Variants in FZR1 observed in about 807,000 individuals in gnomAD.
The protein encoded by FZR1 is fizzy and cell division cycle 20 related 1.
FZR1 carries 11 observed loss-of-function variants against 63.6 expected under a neutral mutation model. That is an observed-to-expected ratio of 0.17 (90% confidence interval 0.11 to 0.29). The LOEUF (loss-of-function observed/expected upper bound fraction) is 0.29, where lower values mean the gene tolerates loss of function less well. Among genes scored for constraint, FZR1 ranks in the 10% least tolerant of loss-of-function variants. FZR1 has a pLI of 1.00. For missense variants in FZR1, 440 were observed against 687.5 expected (o/e 0.64, Z 4.03); for synonymous variants, 328 against 297.9 (o/e 1.10, Z -1.04).
chr19:3,508,633 G>T (rs987309999), intron 1 of FZR1, among the ~76,000 whole-genome samples: 1 of 152,212 alleles, frequency 6.6e-6, no homozygotes, highest in Non-Finnish European at 1.5e-5. Context: ...ATTTAGAGGG[G>T]AGAGGATGGA....
Position 3,510,210 on chromosome 19 carries a change from C to G in FZR1, c.-35+3736C>G, listed in dbSNP as rs150192541. 5.2e-3 allele frequency among the ~76,000 whole-genome samples: 791 copies of G among 152,280 alleles called. 11 individuals are homozygous for G. Among genetic ancestry groups the G allele is most frequent in the African/African-American group, 0.018 (740 of 41,540 alleles). The stretch of plus-strand genomic sequence containing the variant: ...GGAGTGCAGTGGCGCAATCACAACT[C>G]ACTGCAGCCTCGACCTTCCAGCCTC... On this transcript the variant is annotated intron_variant, in intron 1 of 13. Transcript: ENST00000441788.
In FZR1 at chr19:3,518,037, CAG is replaced by C. The variant is rs1175694634; in HGVS notation, c.-34-4916_-34-4915del. On this transcript the variant is annotated intron_variant, in intron 1 of 13. Transcript: ENST00000441788. ...TTTTTTTTTTTTTTTTTTTTTGAGA[CAG>C]AGTCTCACTGTGTCACCCAGGCTGG... Among the ~76,000 whole-genome samples the C allele has an allele frequency of 6.9e-5, 9 of 130,036 alleles. No homozygotes were observed. In the South Asian group the frequency reaches 2.0e-3, roughly 29 times the overall value. 85.3% of individuals were successfully genotyped at this position (130,036 alleles called of 152,430 possible). A position where few individuals can be genotyped will look rare whatever the true frequency, so the allele number is the denominator to read the frequency against.
At chr19:3,531,080 G>C (rs2083242081) in intron 8 of FZR1, among the ~76,000 whole-genome samples, 1 of 152,148 alleles carries the variant, frequency 6.6e-6, no homozygotes. Flanking sequence ...GGCAGGTCCA[G>C]TGGGGAAATA....
Position 3,536,483 on chromosome 19 carries a change from T to C in FZR1, c.*1647T>C, listed in dbSNP as rs950550826. The C allele has an allele frequency of 6.6e-6, 1 of 152,204 alleles. No individual in the cohort carries two copies. Among genetic ancestry groups the C allele is most frequent in the Non-Finnish European group, 1.5e-5 (1 of 68,038 alleles). 9.4% of individuals were successfully genotyped at this position (152,204 alleles called of 1,614,324 possible). A position where few individuals can be genotyped will look rare whatever the true frequency, so the allele number is the denominator to read the frequency against. On this transcript the variant is annotated 3_prime_UTR_variant, in exon 14 of 14. Coordinates refer to ENST00000441788, the MANE Select transcript of FZR1 (RefSeq NM_016263.4). ...GGTTTTTAAATAAGAAAACCAACCC[T>C]GCCTTCGCCCATGCCCGCCCCTGCC...
At chr19:3,507,034 G>A (rs905879577) in intron 1 of FZR1, among the ~76,000 whole-genome samples, 2 of 152,184 alleles carry the variant, frequency 1.3e-5, no homozygotes, top group Non-Finnish European at 2.9e-5. Context: ...CCCAGCCCGG[G>A]ACACCCGGAA....
chr19:3,529,697 T>TGAGCGGATGGTTGAGCGGATGGGA (rs1568237981), intron 7 of FZR1, among the ~76,000 whole-genome samples: 9 of 92,974 alleles, frequency 9.7e-5, no homozygotes, highest in African/African-American at 6.0e-4. Flanking sequence ...AGTGGATGGT[T>TGAGCGGATGGTTGAGCGGATGGGA]GAGCGGATGG....
At position 3,527,678 on chromosome 19, in the gene FZR1, A is replaced by G; in HGVS notation, c.518A>G (p.Lys173Arg). ...SPRKPTRKIS[K>R]IPFKVLDAPE... ...CGGAAACCCACCCGCAAGATCTCCAAGATCCCCTTCAAGGTGCTGGACGCG... is the reference window on the plus strand; with the variant it reads ...CGGAAACCCACCCGCAAGATCTCCAGGATCCCCTTCAAGGTGCTGGACGCG... Residue 173 changes from lysine (K) to arginine (R), a missense_variant, in exon 7 of 14, where the codon AAG becomes AGG. Physicochemically the swap from Lys to Arg is conservative, Grantham distance 26 (BLOSUM62 2). Transcript: ENST00000441788. The G allele has an allele frequency of 6.2e-7, 1 of 1,612,024 alleles. No homozygotes were observed. The highest frequency in any genetic ancestry group is 1.3e-5 in the African/African-American group (1 of 75,040).
chr19:3,508,200 C>CTTTTTTTT (rs71166908), intron 1 of FZR1, among the ~76,000 whole-genome samples: 5 of 91,116 alleles, frequency 5.5e-5, no homozygotes, highest in African/African-American at 9.5e-5. Flanking sequence ...CATTGATTTT[C>CTTTTTTTT]TTTTTTTTTT....
intron 1 of FZR1, among the ~76,000 whole-genome samples, chr19:3,510,924 G>A (rs1293733148): frequency 2.6e-5 from 4 of 152,234 alleles, no homozygotes; most frequent in East Asian, 1.9e-4. Flanking sequence ...CCAAATGTCC[G>A]CAGCGCTGAG....
chr19:3,515,958 C>G lies in FZR1; in HGVS notation c.-34-6998C>G, dbSNP rs879323023. On this transcript the variant is annotated intron_variant, in intron 1 of 13. Coordinates refer to ENST00000441788, the MANE Select transcript of FZR1 (RefSeq NM_016263.4). The surrounding 1 kb of genome is among the most constrained non-coding windows in gnomAD (Gnocchi z 4.6). ...GTGCAGTGGGTCTCACAGCCTCTTC[C>G]GCTCCCTGTCTGATGGCCTCTTGCG... is the stretch of plus-strand genomic sequence containing the variant. Among the ~76,000 whole-genome samples, 7 of 152,114 alleles carry G rather than the reference C, an allele frequency of 4.6e-5. No homozygotes were observed. The highest frequency in any genetic ancestry group is 1.0e-4 in the Non-Finnish European group (7 of 68,024).
chr19:3,531,284 C>T (rs1264338050), intron 8 of FZR1, among the ~76,000 whole-genome samples: 2 of 152,210 alleles, frequency 1.3e-5, no homozygotes, highest in African/African-American at 2.4e-5. Flanking sequence ...CCCTAGCACT[C>T]GTAACCGCTC....
intron 1 of FZR1, among the ~76,000 whole-genome samples, chr19:3,517,240 A>C (rs1045623667): frequency 6.6e-6 from 1 of 152,054 alleles, no homozygotes; most frequent in Non-Finnish European, 1.5e-5. Context: ...AAATACAAAA[A>C]GTGGCTGGGT....
At chr19:3,517,537 A>T (rs1195761795) in intron 1 of FZR1, among the ~76,000 whole-genome samples, 2 of 151,924 alleles carry the variant, frequency 1.3e-5, no homozygotes, top group Non-Finnish European at 2.9e-5. Flanking sequence ...AAATACAAAA[A>T]AATAGCTGGG....
In FZR1 at chr19:3,534,917, C is replaced by T. The variant is rs1175214456; in HGVS notation, c.*81C>T. 2 of 1,160,692 alleles carry T rather than the reference C, an allele frequency of 1.7e-6. No individual in the cohort carries two copies. The highest frequency in any genetic ancestry group is 2.6e-6 in the Non-Finnish European group (2 of 775,492). The allele number at this position is 1,160,692 out of a possible 1,614,324, so 71.9% of individuals were successfully genotyped here. A position where few individuals can be genotyped will look rare whatever the true frequency, so the allele number is the denominator to read the frequency against. ...CCTCAGCTTGCATGGACTCTGCCTT[C>T]CCAGCGCTTGTCCCCCGAGGAAGGC... On this transcript the variant is annotated 3_prime_UTR_variant, in exon 14 of 14. Coordinates refer to ENST00000441788, the MANE Select transcript of FZR1 (RefSeq NM_016263.4).
chr19:3,524,830 C>T (rs983369687), intron 2 of FZR1, among the ~76,000 whole-genome samples: 4 of 152,242 alleles, frequency 2.6e-5, no homozygotes, highest in South Asian at 2.1e-4. Context: ...TCTCTGTGTC[C>T]GTGTTTTCCT....
chr19:3,531,308 G>A (rs1044717903), intron 8 of FZR1, among the ~76,000 whole-genome samples: 2 of 152,188 alleles, frequency 1.3e-5, no homozygotes, highest in Admixed American at 1.3e-4. Flanking sequence ...GTGTCCAGGC[G>A]TGTGCGCTCA....
At chr19:3,530,244 A>AGATGGGTGAGCG (rs2083228380) in intron 7 of FZR1, among the ~76,000 whole-genome samples, 1 of 61,850 alleles carries the variant, frequency 1.6e-5, no homozygotes, top group Non-Finnish European at 3.3e-5. Flanking sequence ...ATGGGAGAGC[A>AGATGGGTGAGCG]GATGGGTGAG....
chr19:3,507,835 G>A (rs1026224543), intron 1 of FZR1, among the ~76,000 whole-genome samples: 4 of 152,254 alleles, frequency 2.6e-5, no homozygotes, highest in Non-Finnish European at 4.4e-5. Flanking sequence ...TCAGGGGCCC[G>A]TGTGTTTTGG....
At chr19:3,520,855 C>G (rs1017314228) in intron 1 of FZR1, among the ~76,000 whole-genome samples, 10 of 152,240 alleles carry the variant, frequency 6.6e-5, no homozygotes, top group Non-Finnish European at 1.0e-4. Flanking sequence ...GGGTCTGTCC[C>G]TACCTGGTGA....
Sources: allele counts gnomAD v4.1 joint callset (sites outside exome capture counted in the v4.1 genomes callset), GRCh38; gene constraint gnomAD v4.1.1; non-coding constraint Gnocchi (gnomAD v3.1); transcripts MANE v1.5; gene names NCBI Gene and HGNC (gene_info 2026-07-23, HGNC 2026-07-21).